Variants in REV3L observed in about 807,000 individuals in gnomAD.
REV3L encodes the protein REV3 like, DNA directed polymerase zeta catalytic subunit.
A neutral mutation model predicts 299.4 loss-of-function variants in REV3L; 69 were observed. The ratio of observed to expected loss-of-function variants is 0.23; its 90% CI spans 0.19 to 0.28. The LOEUF is 0.28. REV3L is among the 10% of genes least tolerant of loss of function. The pLI is 1.00. For synonymous variants in REV3L, 1,238 were observed against 1,271.4 expected (o/e 0.97, Z 0.56); for missense variants, 3,128 against 3,693.8 (o/e 0.85, Z 3.97).
rs991969237 is a variant in REV3L, at chr6:111,363,781, A to G, written c.6879+72T>C. ...ACTCCTCCCTTGTTAAAAAAATTCC[A>G]TACTTGTTTTATAGAATAAAACAGG... On this transcript the variant is annotated intron_variant, in intron 16 of 31. Coordinates refer to ENST00000368802, the MANE Select transcript of REV3L (RefSeq NM_001372078.1). The G allele has an allele frequency of 4.7e-6, 7 of 1,496,796 alleles. No individual in the cohort carries two copies. The African/African-American group carries it at 7.0e-5, about 15-fold the overall frequency. 92.7% of individuals were successfully genotyped at this position (1,496,796 alleles called of 1,614,324 possible).
At position 111,392,865 on chromosome 6, in the gene REV3L, C is replaced by G; in HGVS notation, c.662+11G>C. The G allele has an allele frequency of 6.4e-7, 1 of 1,550,686 alleles. No homozygotes were observed. The highest frequency in any genetic ancestry group is 8.9e-7 in the Non-Finnish European group (1 of 1,122,806). On this transcript the variant is annotated intron_variant, in intron 5 of 31. Transcript: ENST00000368802. ...TGTAAAATTTTCATTTCCTTTACAA[C>G]ATTAACTAACCTTGGTATTTCATCT...
At chr6:111,442,138 T>C (rs894892544) in intron 1 of REV3L, among the ~76,000 whole-genome samples, 4 of 152,194 alleles carry the variant, frequency 2.6e-5, no homozygotes, top group African/African-American at 9.7e-5. Flanking sequence ...ATTAGGTAGG[T>C]GTAGGGTTCT....
chr6:111,374,867 C>T lies in REV3L; in HGVS notation c.3488G>A (p.Arg1163His), dbSNP rs186625554. Reference protein sequence around the residue: ...PNVYKKTVNSRIGKTSRARAQ... With the variant: ...PNVYKKTVNSHIGKTSRARAQ... ...TCTTGCGCGACTAGTTTTTCCTATA[C>T]GAGAATTAACAGTCTTCTTATATAC... The change falls in exon 13 of 32, where the codon CGT becomes CAT. Residue 1163 changes from arginine (R) to histidine (H), a missense_variant. By Grantham distance (29) the Arg-to-His change is conservative (BLOSUM62 0). This residue lies in a region of REV3L where 2,409 missense variants were observed against 2,611.8 expected (regional missense o/e 0.92). Transcript: ENST00000368802. 1.7e-5 allele frequency: 28 copies of T among 1,613,754 alleles called. No individual in the cohort carries two copies. Among genetic ancestry groups the T allele is most frequent in the Admixed American group, 8.3e-5 (5 of 59,966 alleles).
chr6:111,326,393 A>T (rs958234820), intron 25 of REV3L, among the ~76,000 whole-genome samples: 6 of 152,108 alleles, frequency 3.9e-5, no homozygotes, highest in African/African-American at 1.4e-4. Flanking sequence ...AATGCAAATC[A>T]AAATTATAAT....
At chr6:111,424,645 C>T (rs747292125) in intron 1 of REV3L, among the ~76,000 whole-genome samples, 5 of 152,144 alleles carry the variant, frequency 3.3e-5, no homozygotes, top group African/African-American at 4.8e-5. Flanking sequence ...CTGGAGGAGC[C>T]GGAACCCATT....
intron 9 of REV3L, among the ~76,000 whole-genome samples, chr6:111,384,980 T>C (rs1415950252): frequency 2.0e-5 from 3 of 152,160 alleles, no homozygotes; most frequent in Admixed American, 2.0e-4. Context: ...CATCATGTTA[T>C]GTGAAATACG....
In REV3L at chr6:111,374,636, T is replaced by C. The variant is rs764502525; in HGVS notation, c.3719A>G (p.Lys1240Arg). The C allele has an allele frequency of 6.8e-6, 11 of 1,613,674 alleles. No individual in the cohort carries two copies. Among genetic ancestry groups the C allele is most frequent in the Admixed American group, 6.7e-5 (4 of 59,956 alleles). The change falls in exon 13 of 32, where the codon AAG (lysine) becomes AGG (arginine). Residue 1240 changes from lysine to arginine, a missense_variant. Physicochemically the swap from Lys to Arg is conservative, Grantham distance 26 (BLOSUM62 2). Around this residue, in one of 9 missense-constraint regions of REV3L, gnomAD observed 2,409 missense variants for 2,611.8 expected, o/e 0.92. Transcript: ENST00000368802. ...CACATTCTGGTGTTTCAGTACAAAC[T>C]TAACCTCAGCACCAGACTGAGATTT... ...KIKSQSGAEVKFVLKHQNVSE... is the reference protein window; with the variant it reads ...KIKSQSGAEVRFVLKHQNVSE...
intron 1 of REV3L, among the ~76,000 whole-genome samples, chr6:111,458,471 T>C (rs1158857447): frequency 1.3e-5 from 2 of 152,138 alleles, no homozygotes; most frequent in Non-Finnish European, 2.9e-5. Context: ...GGTATCCAGA[T>C]AGGAAAAGAA....
intron 2 of REV3L, chr6:111,412,215 A>C: frequency 1.0e-6 from 1 of 985,388 alleles, no homozygotes; most frequent in South Asian, 4.7e-5. Context: ...TGTAGACAGG[A>C]ACTTAAGAGA....
intron 1 of REV3L, among the ~76,000 whole-genome samples, chr6:111,444,652 G>A (rs1788633183): frequency 6.6e-6 from 1 of 152,136 alleles, no homozygotes; most frequent in Admixed American, 6.5e-5. Flanking sequence ...TAGGTTTTAC[G>A]TTCTGAAAAT....
intron 18 of REV3L, 121 bp from the exon 19 acceptor site, chr6:111,351,912 G>A: frequency 1.7e-6 from 1 of 591,606 alleles, no homozygotes; most frequent in Middle Eastern, 3.7e-4. Flanking sequence ...ACGGTGCCCA[G>A]ATGGAGAAGG....
intron 1 of REV3L, among the ~76,000 whole-genome samples, chr6:111,446,392 A>G (rs1788837071): frequency 6.6e-6 from 1 of 152,162 alleles, no homozygotes; most frequent in Non-Finnish European, 1.5e-5. Context: ...GGATGAAGTG[A>G]CTTTAGTTAT....
chr6:111,371,806 T>A (rs1779825665), intron 13 of REV3L, among the ~76,000 whole-genome samples: 1 of 152,026 alleles, frequency 6.6e-6, no homozygotes, highest in Admixed American at 6.6e-5. Flanking sequence ...TCAGGTGATC[T>A]GCCCCCCTCG....
At chr6:111,473,750 C>T (rs1160931664) in intron 1 of REV3L, among the ~76,000 whole-genome samples, 1 of 151,998 alleles carries the variant, frequency 6.6e-6, no homozygotes, top group Non-Finnish European at 1.5e-5. Context: ...TCATCAATGC[C>T]TTCCTCCAAT....
rs923495781 is a variant in REV3L at position 111,380,204 on chromosome 6, T to A, written c.1232A>T (p.Asp411Val). 1 of 1,611,384 alleles carries A rather than the reference T, an allele frequency of 6.2e-7. No individual in the cohort carries two copies. The highest frequency in any genetic ancestry group is 2.2e-5 in the East Asian group (1 of 44,850). The change falls in exon 11 of 32, where the codon GAT becomes GTT. Residue 411 changes from aspartate (D) to valine (V), a missense_variant. Physicochemically the swap from Asp to Val is radical, Grantham distance 152. This residue lies in a region of REV3L where 2,409 missense variants were observed against 2,611.8 expected (regional missense o/e 0.92). Coordinates refer to ENST00000368802, the MANE Select transcript of REV3L (RefSeq NM_001372078.1). ...AGCAAGAAGATGTACCAGAGCCTCA[T>A]CAGGACTACTGTCCACTATAAAACA... ...ESPVFMDSSP[D>V]EALVHLLAGL...
At chr6:111,475,089 A>G (rs769089614) in intron 1 of REV3L, among the ~76,000 whole-genome samples, 1 of 152,096 alleles carries the variant, frequency 6.6e-6, no homozygotes, top group Non-Finnish European at 1.5e-5. Context: ...ATAAAAATAT[A>G]TATTTTAACC....
In REV3L at chr6:111,387,885, C is replaced by T. The variant is rs770651745; in HGVS notation, c.976G>A (p.Asp326Asn). 6.2e-6 allele frequency: 10 copies of T among 1,613,806 alleles called. No individual in the cohort carries two copies. Among genetic ancestry groups the T allele is most frequent in the Admixed American group, 1.7e-5 (1 of 59,988 alleles). The stretch of plus-strand genomic sequence containing the variant: ...TCAGCAGAGAACTCCTGGGATCCAT[C>T]GCTGTAGTCCACAGATCCTGATAAT... ...VTLSGSVDYS[D>N]GSQEFSAELT... The change falls in exon 9 of 32, where the codon GAT (aspartate) becomes AAT (asparagine). Residue 326 changes from aspartate (D) to asparagine (N), a missense_variant. Transcript: ENST00000368802.
Position 111,367,681 on chromosome 6 carries a change from T to G in REV3L, c.6107A>C (p.Asn2036Thr). Residue 2036 changes from asparagine to threonine, a missense_variant, in exon 14 of 32, where the codon AAC (asparagine) becomes ACC (threonine). Physicochemically the swap from Asn to Thr is moderately conservative, Grantham distance 65. This residue lies in a region of REV3L where 2,409 missense variants were observed against 2,611.8 expected (regional missense o/e 0.92). Transcript: ENST00000368802. ...ATCTGGGTTAACTGAAGAGCTAAAG[T>G]TCTCAGCAGATTTTACAACTCCAGT... ...KPTGVVKSAE[N>T]FSSSVNPDDK... is the part of the protein sequence containing the mutation. 6.2e-7 allele frequency: 1 copy of G among 1,614,220 alleles called. No individual in the cohort carries two copies. Among genetic ancestry groups the G allele is most frequent in the Non-Finnish European group, 8.5e-7 (1 of 1,180,034 alleles).
rs12203943 is a variant in REV3L, at chr6:111,403,635, C to T, written c.565+1835G>A. ...AACTGCTCCACTGACTGGCCATTCC[C>T]GTTTCTTTCTTTCCTAGCACCTTCC... On this transcript the variant is annotated intron_variant, in intron 4 of 31. Transcript: ENST00000368802. 6.6e-3 allele frequency among the ~76,000 whole-genome samples: 1,001 copies of T among 152,254 alleles called. 7 individuals are homozygous for T. The highest frequency in any genetic ancestry group is 9.0e-3 in the Non-Finnish European group (614 of 68,018).
Sources: allele counts gnomAD v4.1 joint callset (sites outside exome capture counted in the v4.1 genomes callset), GRCh38; gene constraint gnomAD v4.1.1; regional missense constraint gnomAD v4.1.1; transcripts MANE v1.5; gene names NCBI Gene and HGNC (gene_info 2026-07-23, HGNC 2026-07-21).